Variants in ATF6 observed in about 807,000 individuals in gnomAD.
The protein encoded by ATF6 is cyclic AMP-dependent transcription factor ATF-6 alpha.
A neutral mutation model predicts 83.6 loss-of-function variants in ATF6; 53 were observed. That is an observed-to-expected ratio of 0.63 (90% confidence interval 0.51 to 0.80). ATF6 has a LOEUF of 0.80. Among genes scored for constraint, ATF6 ranks in the 30% least tolerant of loss-of-function variants. ATF6 has a pLI of 0.00. For synonymous variants in ATF6, 288 were observed against 285.8 expected, an observed-to-expected ratio of 1.01 and a Z score of -0.08; for missense variants, 744 against 797.9, an observed-to-expected ratio of 0.93 and a Z score of 0.81.
At chr1:161,904,953 G>GC (rs1369317040) in intron 14 of ATF6, among the ~76,000 whole-genome samples, 3 of 152,256 alleles carry the variant, frequency 2.0e-5, no homozygotes, top group Non-Finnish European at 2.9e-5. Flanking sequence ...AGTTTGCCTT[G>GC]TTAAGACTAG....
intron 9 of ATF6, among the ~76,000 whole-genome samples, chr1:161,842,331 A>G (rs1686376502): frequency 6.6e-6 from 1 of 152,216 alleles, no homozygotes; most frequent in Admixed American, 6.5e-5. Context: ...TAAAAGTAGA[A>G]CTACCATTTG....
At chr1:161,918,874 G>A (rs576983626) in intron 15 of ATF6, among the ~76,000 whole-genome samples, 44 of 152,260 alleles carry the variant, frequency 2.9e-4, no homozygotes, top group African/African-American at 9.4e-4. Context: ...TATGCTGGAT[G>A]GGGATATTTG....
At chr1:161,949,835 C>T (rs756875207) in intron 15 of ATF6, among the ~76,000 whole-genome samples, 9 of 152,280 alleles carry the variant, frequency 5.9e-5, no homozygotes, top group Non-Finnish European at 1.0e-4. Context: ...CCATTAAGCC[C>T]CACCTCCAAC....
At chr1:161,936,972 A>G (rs1158464817) in intron 15 of ATF6, among the ~76,000 whole-genome samples, 6 of 151,978 alleles carry the variant, frequency 3.9e-5, no homozygotes, top group African/African-American at 1.2e-4. Context: ...CCCACATCCC[A>G]TATCTAATCC....
chr1:161,810,768 C>T (rs1041457760), intron 7 of ATF6, among the ~76,000 whole-genome samples: 1 of 152,192 alleles, frequency 6.6e-6, no homozygotes, highest in Non-Finnish European at 1.5e-5. Context: ...AGTCTTTCCT[C>T]ATTTCTCACT....
intron 1 of ATF6, among the ~76,000 whole-genome samples, chr1:161,777,169 G>A (rs866061919): frequency 3.3e-5 from 5 of 152,104 alleles, no homozygotes; most frequent in African/African-American, 1.2e-4. Context: ...AGCTTGATTG[G>A]AGCAGGTTTA....
Position 161,908,628 on chromosome 1 carries a change from A to G in ATF6, c.1720-3668A>G, listed in dbSNP as rs1046283397. Among the ~76,000 whole-genome samples, 6 of 149,540 alleles carry G rather than the reference A, an allele frequency of 4.0e-5. No individual in the cohort carries two copies. The East Asian group carries it at 7.9e-4, about 20-fold the overall frequency. The stretch of plus-strand genomic sequence containing the variant: ...ATGATTTCATTCCAGAGGAAATCCT[A>G]TAGTATCTAAGCCCTACGGAAAGCC... On this transcript the variant is annotated intron_variant, in intron 14 of 15. Transcript: ENST00000367942.
chr1:161,840,794 T>G (rs138981352), intron 9 of ATF6, among the ~76,000 whole-genome samples: 1 of 152,212 alleles, frequency 6.6e-6, no homozygotes, highest in African/African-American at 2.4e-5. Context: ...TTTATTGGTG[T>G]AATGATTATT....
chr1:161,894,992 A>G (rs1687645631), intron 14 of ATF6, among the ~76,000 whole-genome samples: 1 of 152,132 alleles, frequency 6.6e-6, no homozygotes, highest in Non-Finnish European at 1.5e-5. Flanking sequence ...TAATCCCAGC[A>G]CTTTGGGGGG....
chr1:161,779,881 G>A (rs147718112), intron 2 of ATF6, among the ~76,000 whole-genome samples: 32 of 152,140 alleles, frequency 2.1e-4, no homozygotes, highest in African/African-American at 7.2e-4. Flanking sequence ...GGGACTACAG[G>A]TGCATGCTAT....
At chr1:161,821,805 G>A (rs1231026171) in intron 9 of ATF6, among the ~76,000 whole-genome samples, 1 of 152,140 alleles carries the variant, frequency 6.6e-6, no homozygotes, top group Non-Finnish European at 1.5e-5. Context: ...AGTATAGACT[G>A]CAGTGAGGAG....
chr1:161,829,962 G>A (rs1280405133), intron 9 of ATF6, among the ~76,000 whole-genome samples: 1 of 152,116 alleles, frequency 6.6e-6, no homozygotes, highest in Non-Finnish European at 1.5e-5. Context: ...AGGGCAATCA[G>A]GCAGGAGAAA....
At chr1:161,823,750 T>C (rs2101789023) in intron 9 of ATF6, among the ~76,000 whole-genome samples, 1 of 152,324 alleles carries the variant, frequency 6.6e-6, no homozygotes, top group African/African-American at 2.4e-5. Flanking sequence ...GAAGAAAATT[T>C]AGACTCACAT....
chr1:161,871,693 G>T (rs1329666343), intron 14 of ATF6, among the ~76,000 whole-genome samples: 1 of 151,512 alleles, frequency 6.6e-6, no homozygotes, highest in Non-Finnish European at 1.5e-5. Flanking sequence ...CTGCATTCTA[G>T]CCCCAATGTT....
intron 14 of ATF6, among the ~76,000 whole-genome samples, chr1:161,882,946 G>C (rs968702430): frequency 2.6e-5 from 4 of 151,808 alleles, no homozygotes; most frequent in Non-Finnish European, 2.9e-5. Context: ...AAGCATATGG[G>C]TACATAGAAA....
At chr1:161,813,195 G>A (rs1481385300) in intron 7 of ATF6, among the ~76,000 whole-genome samples, 1 of 152,062 alleles carries the variant, frequency 6.6e-6, no homozygotes. Flanking sequence ...AATTAAGATA[G>A]TTTTAAGATT....
intron 14 of ATF6, among the ~76,000 whole-genome samples, chr1:161,910,175 G>T (rs2101886970): frequency 6.6e-6 from 1 of 152,198 alleles, no homozygotes; most frequent in East Asian, 1.9e-4. Context: ...CATTGTCCCA[G>T]ATATATAGAT....
At chr1:161,830,580 G>T (rs1382903872) in intron 9 of ATF6, among the ~76,000 whole-genome samples, 2 of 152,126 alleles carry the variant, frequency 1.3e-5, no homozygotes, top group Non-Finnish European at 2.9e-5. Flanking sequence ...AAACAGCATG[G>T]TACTGGTACC....
intron 1 of ATF6, among the ~76,000 whole-genome samples, chr1:161,766,883 T>TA (rs1684278331): frequency 6.6e-6 from 1 of 152,212 alleles, no homozygotes; most frequent in Non-Finnish European, 1.5e-5. Context: ...ATTCTAATCT[T>TA]ACAGCTTTTA....
Sources: allele counts gnomAD v4.1 joint callset (sites outside exome capture counted in the v4.1 genomes callset), GRCh38; gene constraint gnomAD v4.1.1; transcripts MANE v1.5; gene names NCBI Gene and HGNC (gene_info 2026-07-23, HGNC 2026-07-21).